Variants in UGT1A9 observed in about 807,000 individuals in gnomAD.
The protein encoded by UGT1A9 is UDP glucuronosyltransferase family 1 member A9.
UGT1A9 carries 35 observed loss-of-function variants against 45.0 expected under a neutral mutation model. The observed-to-expected ratio is 0.78, with a 90% CI of 0.59 to 1.03. UGT1A9 has a LOEUF of 1.03. Among genes scored for constraint, UGT1A9 ranks in the 50% least tolerant of loss-of-function variants. UGT1A9 has a pLI of 0.00. For synonymous variants in UGT1A9, 278 were observed against 250.6 expected, an observed-to-expected ratio of 1.11 and a Z score of -1.03; for missense variants, 687 against 666.6, an observed-to-expected ratio of 1.03 and a Z score of -0.34.
At chr2:233,767,271 T>G in intron 2 of UGT1A9, 106 bp downstream of exon 2, 1 of 1,583,574 alleles carries the variant, frequency 6.3e-7, no homozygotes, top group East Asian at 2.2e-5. Context: ...TAGATTTGGC[T>G]TTTCCCTGCC....
intron 1 of UGT1A9, among the ~76,000 whole-genome samples, chr2:233,711,052 G>T (rs1263121953): frequency 6.6e-6 from 1 of 152,152 alleles, no homozygotes; most frequent in African/African-American, 2.4e-5. Flanking sequence ...GACACCCATG[G>T]CTTCAATCAC....
chr2:233,754,803 G>T lies in UGT1A9; in HGVS notation c.856-12231G>T, dbSNP rs550413061. 8.8e-5 allele frequency: 113 copies of T among 1,279,154 alleles called. No homozygotes were observed. In the South Asian group the frequency reaches 1.3e-3, roughly 15 times the overall value. The allele number at this position is 1,279,154 out of a possible 1,614,324, so 79.2% of individuals were successfully genotyped here. On this transcript the variant is annotated intron_variant, in intron 1 of 4. Transcript: ENST00000354728. ...AAAGGAACGAAATCCTGTATCAAAAGAAGAAAAACCACCCTCAAAAGCTGG... is the reference window on the plus strand; with the variant it reads ...AAAGGAACGAAATCCTGTATCAAAATAAGAAAAACCACCCTCAAAAGCTGG...
At chr2:233,768,580 T>TTA in intron 4 of UGT1A9, 141 bp downstream of exon 4, 2 of 1,335,112 alleles carry the variant, frequency 1.5e-6, no homozygotes, top group Non-Finnish European at 1.9e-6. Context: ...TTTTTATTTC[T>TTA]TCTTTTTTTT....
chr2:233,755,144 C>T (rs1040517387), intron 1 of UGT1A9: 11 of 1,304,848 alleles, frequency 8.4e-6, no homozygotes, highest in African/African-American at 7.5e-5. Flanking sequence ...ATCTTCTCAC[C>T]GCTTCCTCCC....
intron 1 of UGT1A9, among the ~76,000 whole-genome samples, chr2:233,712,123 G>A (rs533419380): frequency 6.6e-6 from 1 of 152,342 alleles, no homozygotes; most frequent in South Asian, 2.1e-4. Flanking sequence ...ACTTGCAGAA[G>A]ACTGGAGCCT....
At chr2:233,755,940 ATC>A (rs35754645) in intron 1 of UGT1A9, 54,950 of 151,954 alleles carry the variant, frequency 0.36, 10,325 homozygotes, top group African/African-American at 0.45. Flanking sequence ...CAGTTTTTGC[ATC>A]TCTCTCTTTA....
intron 1 of UGT1A9, among the ~76,000 whole-genome samples, chr2:233,758,385 T>A (rs1230615266): frequency 6.6e-6 from 1 of 152,262 alleles, no homozygotes; most frequent in Non-Finnish European, 1.5e-5. Context: ...TGGTGACTTA[T>A]GTGTTTATAG....
intron 1 of UGT1A9, chr2:233,713,552 T>G (rs917913178): frequency 1.9e-6 from 3 of 1,613,858 alleles, no homozygotes; most frequent in Non-Finnish European, 2.5e-6. Flanking sequence ...GCACACAGTG[T>G]CCAAACCCTT....
chr2:233,673,050 AC>A (rs2074249214), intron 1 of UGT1A9, among the ~76,000 whole-genome samples: 1 of 152,224 alleles, frequency 6.6e-6, no homozygotes, highest in African/African-American at 2.4e-5. Context: ...TTAGAAAAGT[AC>A]CAAAAACCAC....
At chr2:233,681,209 T>G (rs2074513755) in intron 1 of UGT1A9, among the ~76,000 whole-genome samples, 1 of 151,920 alleles carries the variant, frequency 6.6e-6, no homozygotes, top group Non-Finnish European at 1.5e-5. Flanking sequence ...GATGCCAATT[T>G]CTTTCTGGGC....
At chr2:233,768,504 G>GA in intron 4 of UGT1A9, 65 bp downstream of exon 4, 1 of 1,558,444 alleles carries the variant, frequency 6.4e-7, no homozygotes. Flanking sequence ...TTTCAAATAT[G>GA]AAAACATTTA....
chr2:233,765,861 A>G (rs1698967280), intron 1 of UGT1A9, among the ~76,000 whole-genome samples: 1 of 152,118 alleles, frequency 6.6e-6, no homozygotes, highest in African/African-American at 2.4e-5. Flanking sequence ...AGAGCATGTG[A>G]CAGCGGGAGG....
intron 1 of UGT1A9, among the ~76,000 whole-genome samples, chr2:233,715,966 CTGAT>C (rs1167313224): frequency 2.0e-5 from 3 of 152,178 alleles, no homozygotes; most frequent in African/African-American, 7.2e-5. Flanking sequence ...GACTGATTGA[CTGAT>C]TGATTGATTT....
At chr2:233,698,000 T>C (rs1454032719) in intron 1 of UGT1A9, among the ~76,000 whole-genome samples, 1 of 152,170 alleles carries the variant, frequency 6.6e-6, no homozygotes, top group Non-Finnish European at 1.5e-5. Context: ...GGAAAAAATA[T>C]CATTTCTGCA....
At chr2:233,743,105 G>C (rs1692204465) in intron 1 of UGT1A9, 2 of 354,440 alleles carry the variant, frequency 5.6e-6, no homozygotes, top group East Asian at 7.4e-5. Context: ...GGGTACAGCT[G>C]TTCTGAAAGT....
Position 233,724,420 on chromosome 2 carries a change from G to C in UGT1A9, c.856-42614G>C, listed in dbSNP as rs1396792043. Among the ~76,000 whole-genome samples the C allele has an allele frequency of 2.2e-5, 3 of 135,560 alleles. 1 individual carries two copies. The highest frequency in any genetic ancestry group is 8.5e-5 in the African/African-American group (3 of 35,170). 88.9% of individuals were successfully genotyped at this position (135,560 alleles called of 152,430 possible). The stretch of plus-strand genomic sequence containing the variant: ...TTCCCAGATGGGGTGGCTGCCGGGC[G>C]GAGAGGCTCCTCACTTCTCAGACAG... On this transcript the variant is annotated intron_variant, in intron 1 of 4. Transcript: ENST00000354728.
At chr2:233,747,144 A>C in intron 1 of UGT1A9, 1 of 1,563,462 alleles carries the variant, frequency 6.4e-7, no homozygotes, top group Non-Finnish European at 8.7e-7. Context: ...CAAGGTAATT[A>C]AGATGAAGAA....
chr2:233,700,401 A>G (rs1465367852), intron 1 of UGT1A9, among the ~76,000 whole-genome samples: 1 of 152,186 alleles, frequency 6.6e-6, no homozygotes, highest in Non-Finnish European at 1.5e-5. Flanking sequence ...ACATTTTGGC[A>G]GCAGTGTTTC....
intron 1 of UGT1A9, among the ~76,000 whole-genome samples, chr2:233,698,020 CA>C (rs1249680448): frequency 6.6e-6 from 1 of 151,888 alleles, no homozygotes; most frequent in African/African-American, 2.4e-5. Context: ...ACATTGGTAC[CA>C]ATTATCTTAT....
Sources: gnomAD v4.1 joint callset for allele counts (sites outside exome capture counted in the v4.1 genomes callset) on GRCh38, gnomAD v4.1.1 for gene constraint, MANE v1.5 for transcripts, NCBI Gene and HGNC (gene_info 2026-07-23, HGNC 2026-07-21) for gene names.